RIMBP2: variants seen among roughly 807,000 people sequenced by gnomAD.
The protein encoded by RIMBP2 is RIMS binding protein 2.
Under a neutral mutation model 118.6 loss-of-function variants are expected in RIMBP2, and 48 were observed. The observed-to-expected ratio is 0.40, with a 90% CI of 0.32 to 0.51. RIMBP2 has a LOEUF of 0.51. RIMBP2 is among the 20% of genes least tolerant of loss of function. The pLI is 0.41. For synonymous variants in RIMBP2, 762 were observed against 742.9 expected (o/e 1.03, Z -0.42); for missense variants, 1,551 against 1,768.3 (o/e 0.88, Z 2.20).
chr12:130,459,709 C>T (rs1289944335), intron 6 of RIMBP2, among the ~76,000 whole-genome samples: 3 of 151,962 alleles, frequency 2.0e-5, no homozygotes, highest in Non-Finnish European at 4.4e-5. Context: ...GACAGGTCGT[C>T]GCAATACAGA....
intron 4 of RIMBP2, among the ~76,000 whole-genome samples, chr12:130,482,970 G>C (rs111542637): frequency 0.17 from 7,439 of 44,146 alleles, 23 homozygotes; most frequent in Non-Finnish European, 0.26. Flanking sequence ...GGAGGGGGCA[G>C]ACCTCATCCA....
At position 130,397,271 on chromosome 12, in the gene RIMBP2, G is replaced by T. The variant is rs373725112; in HGVS notation, c.*90C>A. On this transcript the variant is annotated 3_prime_UTR_variant, in exon 23 of 23. Transcript: ENST00000690449. Reference sequence around the variant, plus strand: ...TACTGGTGTCAGGGGAGAAGATTGGGTTTTTTTAGGAAGTACTTGAGTCAT... The same window carrying T: ...TACTGGTGTCAGGGGAGAAGATTGGTTTTTTTTAGGAAGTACTTGAGTCAT... 1.8e-4 allele frequency: 71 copies of T among 396,514 alleles called. No individual in the cohort carries two copies. The highest frequency in any genetic ancestry group is 2.7e-4 in the Non-Finnish European group (61 of 224,982). The allele number at this position is 396,514 out of a possible 1,614,324, so 24.6% of individuals were successfully genotyped here. A position where few individuals can be genotyped will look rare whatever the true frequency, so the allele number is the denominator to read the frequency against.
intron 4 of RIMBP2, 55 bp from the exon 5 acceptor site, chr12:130,479,071 G>A: frequency 6.9e-7 from 1 of 1,440,674 alleles, no homozygotes; most frequent in Non-Finnish European, 9.7e-7. Flanking sequence ...CCATGGGCGT[G>A]CATCCTATAC....
intron 4 of RIMBP2, among the ~76,000 whole-genome samples, chr12:130,496,914 G>A (rs2049225450): frequency 6.6e-6 from 1 of 152,118 alleles, no homozygotes; most frequent in South Asian, 2.1e-4. Flanking sequence ...TATACACTGG[G>A]GGCTTAAAAC....
At chr12:130,448,698 T>G (rs1046808508) in intron 9 of RIMBP2, among the ~76,000 whole-genome samples, 3 of 152,234 alleles carry the variant, frequency 2.0e-5, no homozygotes, top group Non-Finnish European at 4.4e-5. Context: ...GATGCTGTCC[T>G]CCAGCATGGT....
intron 17 of RIMBP2, among the ~76,000 whole-genome samples, chr12:130,421,439 T>A (rs1344165459): frequency 6.6e-6 from 1 of 152,254 alleles, no homozygotes; most frequent in Non-Finnish European, 1.5e-5. Flanking sequence ...TTGTTTGAAT[T>A]GTACAAGGAA....
chr12:130,659,244 AT>A (rs2063553337), intron 1 of RIMBP2, among the ~76,000 whole-genome samples: 1 of 152,238 alleles, frequency 6.6e-6, no homozygotes, highest in Non-Finnish European at 1.5e-5. Flanking sequence ...TGTATCCGAA[AT>A]ATTACCATTT....
At chr12:130,441,778 C>T (rs1253786895) in intron 11 of RIMBP2, 70 bp downstream of exon 11, 5 of 1,385,478 alleles carry the variant, frequency 3.6e-6, no homozygotes, top group Admixed American at 2.1e-5. Flanking sequence ...CCCCACCTTC[C>T]CTCCCCACTA....
chr12:130,571,079 T>G (rs963447285), intron 2 of RIMBP2, among the ~76,000 whole-genome samples: 3 of 152,094 alleles, frequency 2.0e-5, no homozygotes, highest in African/African-American at 7.2e-5. Flanking sequence ...GTCATTGTTT[T>G]GGCACTTGAG....
At chr12:130,483,595 G>A (rs1430526430) in intron 4 of RIMBP2, among the ~76,000 whole-genome samples, 4 of 150,338 alleles carry the variant, frequency 2.7e-5, no homozygotes, top group South Asian at 4.2e-4. Flanking sequence ...AGCCCCACGC[G>A]GCTGTGGGTG....
chr12:130,632,937 G>A (rs1048090532), intron 1 of RIMBP2, among the ~76,000 whole-genome samples: 8 of 152,224 alleles, frequency 5.3e-5, no homozygotes, highest in East Asian at 1.9e-4. Context: ...ATAAAACACC[G>A]GCCACCTGCT....
intron 4 of RIMBP2, among the ~76,000 whole-genome samples, chr12:130,486,492 G>A (rs1170294365): frequency 7.4e-6 from 1 of 135,594 alleles, no homozygotes; most frequent in African/African-American, 2.8e-5. Flanking sequence ...ATACCCAACT[G>A]CCTACTCATT....
intron 2 of RIMBP2, among the ~76,000 whole-genome samples, chr12:130,572,112 A>G (rs931649706): frequency 1.3e-5 from 2 of 152,038 alleles, no homozygotes; most frequent in Admixed American, 1.3e-4. Flanking sequence ...TCCCTGCTCC[A>G]CCCCCAGTGC....
At chr12:130,668,043 A>G (rs1240972939) in intron 1 of RIMBP2, 1 of 152,162 alleles carries the variant, frequency 6.6e-6, no homozygotes, top group African/African-American at 2.4e-5. Context: ...TCAGGTTTGC[A>G]CCCAGTTGTT....
rs188799207 is a variant in RIMBP2, at chr12:130,620,980, A to C, written c.-217+7342T>G. 3.3e-5 allele frequency among the ~76,000 whole-genome samples: 5 copies of C among 152,190 alleles called. No individual in the cohort carries two copies. In the South Asian group the frequency reaches 1.0e-3, roughly 32 times the overall value. On this transcript the variant is annotated intron_variant, in intron 2 of 22. Coordinates refer to ENST00000690449, the MANE Select transcript of RIMBP2 (RefSeq NM_001393629.1). The surrounding 1 kb of genome is among the most constrained non-coding windows in gnomAD (Gnocchi z 5.3). ...TGTGAGCCATCCTTGGCATGGTTAC[A>C]TTAGCCATGGGCGGGCGAGCAACCT...
chr12:130,399,837 A>C (rs951305253), intron 21 of RIMBP2, 24 bp from the exon 22 acceptor site: 1 of 1,613,110 alleles, frequency 6.2e-7, no homozygotes, highest in Non-Finnish European at 8.5e-7. Flanking sequence ...GGTGAGGCAG[A>C]AGAACTATTT....
chr12:130,485,527 T>C (rs544634755), intron 4 of RIMBP2, among the ~76,000 whole-genome samples: 1 of 152,398 alleles, frequency 6.6e-6, no homozygotes, highest in South Asian at 2.1e-4. Flanking sequence ...CCACCTGGCC[T>C]GGGTGGCCGA....
At chr12:130,421,178 C>G (rs4759678) in intron 17 of RIMBP2, among the ~76,000 whole-genome samples, 1 of 152,312 alleles carries the variant, frequency 6.6e-6, no homozygotes, top group African/African-American at 2.4e-5. Flanking sequence ...CCAGAGGGAA[C>G]GACACACGAA....
At chr12:130,665,554 C>T (rs1051598511) in intron 1 of RIMBP2, among the ~76,000 whole-genome samples, 2 of 151,524 alleles carry the variant, frequency 1.3e-5, no homozygotes, top group Non-Finnish European at 2.9e-5. Flanking sequence ...TCAAAACAAA[C>T]AAAAACACCC....
Sources: allele counts gnomAD v4.1 joint callset (sites outside exome capture counted in the v4.1 genomes callset), GRCh38; gene constraint gnomAD v4.1.1; non-coding constraint Gnocchi (gnomAD v3.1); transcripts MANE v1.5; gene names NCBI Gene and HGNC (gene_info 2026-07-23, HGNC 2026-07-21).